The following GOLM1 variants were observed in gnomAD, a reference collection of about 807,000 sequenced individuals.
GOLM1 encodes the protein golgi membrane protein 1.
In GOLM1, 31 loss-of-function variants were observed where a neutral mutation model predicts 50.5. The ratio of observed to expected loss-of-function variants is 0.61; its 90% CI spans 0.46 to 0.83. The LOEUF (loss-of-function observed/expected upper bound fraction) is 0.83. Ranked by LOEUF, GOLM1 falls within the 40% of genes least tolerant of loss-of-function variation. GOLM1 has a pLI of 0.00. For missense variants in GOLM1, 491 were observed against 501.3 expected (o/e 0.98, Z 0.20); for synonymous variants, 178 against 192.8 (o/e 0.92, Z 0.64).
In GOLM1 at chr9:86,046,528, C is replaced by T. The variant is rs1352583517; in HGVS notation, c.409G>A (p.Asp137Asn). 2.5e-6 allele frequency: 4 copies of T among 1,613,356 alleles called. No homozygotes were observed. The highest frequency in any genetic ancestry group is 3.4e-6 in the Non-Finnish European group (4 of 1,179,564). Residue 137 changes from aspartate (D) to asparagine (N), a missense_variant, in exon 5 of 10, where the codon GAT becomes AAT. Coordinates refer to ENST00000388712, the MANE Select transcript of GOLM1 (RefSeq NM_016548.4). ...TGGTTCTTCTGAAACTGGAGGACAT[C>T]CTGCTGCAGCCTGCCGTAATTCCTC... ...LQRNYGRLQQ[D>N]VLQFQKNQTN...
At chr9:86,077,227 C>T (rs10123984) in intron 3 of GOLM1, among the ~76,000 whole-genome samples, 185 bp downstream of exon 3, 10,474 of 152,164 alleles carry the variant, frequency 0.069, 1,140 homozygotes, top group African/African-American at 0.23. Flanking sequence ...AAGGCTTCAC[C>T]GCAAGCCCAG....
chr9:86,078,680 T>A (rs945962968), intron 2 of GOLM1, among the ~76,000 whole-genome samples: 1 of 152,196 alleles, frequency 6.6e-6, no homozygotes, highest in African/African-American at 2.4e-5. Flanking sequence ...AGCATCTTTG[T>A]CACTGCTCAG....
chr9:86,088,420 G>GTGTGCATATATA (rs1157260470), intron 1 of GOLM1, among the ~76,000 whole-genome samples: 52 of 86,298 alleles, frequency 6.0e-4, no homozygotes, highest in African/African-American at 2.2e-3. Context: ...TTTGAAGGGT[G>GTGTGCATATATA]TATATATATA....
chr9:86,075,414 G>A (rs184031396), intron 3 of GOLM1, among the ~76,000 whole-genome samples: 11 of 152,310 alleles, frequency 7.2e-5, no homozygotes, highest in Admixed American at 1.3e-4. Context: ...ACCAGCTGCT[G>A]AGCTTTCATT....
chr9:86,099,559 G>T (rs1410499714), upstream of GOLM1: 1 of 147,642 alleles, frequency 6.8e-6, no homozygotes, highest in Non-Finnish European at 1.5e-5. Flanking sequence ...CCGCGTCTCC[G>T]GCCTCCGCAG....
In GOLM1 at chr9:86,027,702, T is replaced by C. The variant is rs775989523; in HGVS notation, c.*115A>G. 1.3e-5 allele frequency: 19 copies of C among 1,439,134 alleles called. No homozygotes were observed. The highest frequency in any genetic ancestry group is 1.8e-4 in the Middle Eastern group (1 of 5,468). 89.1% of individuals were successfully genotyped at this position (1,439,134 alleles called of 1,614,324 possible). A position where few individuals can be genotyped will look rare whatever the true frequency, so the allele number is the denominator to read the frequency against. ...GCATACTAAAATTTCACAATAATCA[T>C]CTTCAGATGTACATTTTATTTAGTA... On this transcript the variant is annotated 3_prime_UTR_variant, in exon 10 of 10. Coordinates refer to ENST00000388712, the MANE Select transcript of GOLM1 (RefSeq NM_016548.4).
intron 3 of GOLM1, among the ~76,000 whole-genome samples, chr9:86,071,232 G>C (rs1458041512): frequency 6.6e-6 from 1 of 152,062 alleles, no homozygotes; most frequent in African/African-American, 2.4e-5. Context: ...TGAGTAGCTA[G>C]GACTACAGGC....
intron 1 of GOLM1, among the ~76,000 whole-genome samples, chr9:86,093,114 C>T (rs1003194429): frequency 1.3e-5 from 2 of 152,142 alleles, no homozygotes; most frequent in African/African-American, 4.8e-5. Context: ...TACACAGTGG[C>T]TCATGTGTAT....
intron 3 of GOLM1, among the ~76,000 whole-genome samples, chr9:86,070,274 T>C (rs747666398): frequency 2.6e-5 from 4 of 152,144 alleles, no homozygotes; most frequent in Non-Finnish European, 5.9e-5. Flanking sequence ...CCACCTGCTG[T>C]TAAACATTGA....
intron 1 of GOLM1, among the ~76,000 whole-genome samples, chr9:86,082,010 G>A (rs1471572788): frequency 6.8e-6 from 1 of 147,720 alleles, no homozygotes; most frequent in African/African-American, 2.5e-5. Flanking sequence ...AGGGGCATCA[G>A]CATCACCTGG....
chr9:86,028,566 C>T (rs1486816524), intron 9 of GOLM1, among the ~76,000 whole-genome samples: 1 of 152,214 alleles, frequency 6.6e-6, no homozygotes, highest in Non-Finnish European at 1.5e-5. Context: ...ACCTGGGATA[C>T]AGAAAGCCCT....
intron 4 of GOLM1, among the ~76,000 whole-genome samples, chr9:86,046,842 C>T (rs1487606526): frequency 1.3e-5 from 2 of 152,058 alleles, no homozygotes; most frequent in African/African-American, 2.4e-5. Context: ...CCTTTTTGGC[C>T]GCTAGCCTTT....
chr9:86,042,016 C>G (rs1473486329), intron 5 of GOLM1, among the ~76,000 whole-genome samples: 2 of 152,118 alleles, frequency 1.3e-5, no homozygotes, highest in Non-Finnish European at 1.5e-5. Context: ...ACTCGGGAGG[C>G]TGAGGCAGGA....
At chr9:86,070,166 A>G (rs67700259) in intron 3 of GOLM1, among the ~76,000 whole-genome samples, 55,731 of 151,986 alleles carry the variant, frequency 0.37, 13,421 homozygotes, top group African/African-American at 0.68. Flanking sequence ...TACAGGCGTG[A>G]GCCACCGTGT....
Position 86,088,672 on chromosome 9 carries a change from G to A in GOLM1, c.-21-9331C>T, listed in dbSNP as rs531631773. 3.3e-5 allele frequency among the ~76,000 whole-genome samples: 5 copies of A among 149,822 alleles called. No individual in the cohort carries two copies. The South Asian group carries it at 8.5e-4, about 26-fold the overall frequency. ...CTATGTGTGTCTCTGCGTGTGAGAT[G>A]GGTCTCCTGAATACAGCATACCTAT... is the stretch of plus-strand genomic sequence containing the variant. On this transcript the variant is annotated intron_variant, in intron 1 of 9. Transcript: ENST00000388712.
At chr9:86,053,014 CACTCCACACAACACCACGCCATATG>C (rs1293752473) in intron 3 of GOLM1, among the ~76,000 whole-genome samples, 1 of 150,636 alleles carries the variant, frequency 6.6e-6, no homozygotes, top group African/African-American at 2.5e-5. Flanking sequence ...CCACACACAC[CACTCCACACAACACCACGCCATATG>C]ACTCCACACA....
chr9:86,027,855 A>G lies in GOLM1; in HGVS notation c.1168T>C (p.Leu390=). Reference sequence around the variant, plus strand: ...TTCCGCTTTTCACGCTGATCAAGTAAATTTATGGTGTCTCTTTTCTGATCT... The same window carrying G: ...TTCCGCTTTTCACGCTGATCAAGTAGATTTATGGTGTCTCTTTTCTGATCT... ...VEDQKRDTIN[L]LDQREKRNHT... is the part of the protein sequence containing the mutation. The change falls in exon 10 of 10, where the codon TTA becomes CTA. Residue 390 remains leucine, a synonymous_variant. Coordinates refer to ENST00000388712, the MANE Select transcript of GOLM1 (RefSeq NM_016548.4). The G allele has an allele frequency of 6.2e-7, 1 of 1,611,158 alleles. No individual in the cohort carries two copies. The highest frequency in any genetic ancestry group is 8.5e-7 in the Non-Finnish European group (1 of 1,177,418).
At chr9:86,059,456 C>T (rs982946467) in intron 3 of GOLM1, among the ~76,000 whole-genome samples, 2 of 152,138 alleles carry the variant, frequency 1.3e-5, no homozygotes, top group Non-Finnish European at 1.5e-5. Flanking sequence ...ACAAAGGCCA[C>T]GTACTGCATG....
intron 1 of GOLM1, among the ~76,000 whole-genome samples, chr9:86,097,640 C>T (rs1362627531): frequency 6.6e-6 from 1 of 152,186 alleles, no homozygotes; most frequent in Non-Finnish European, 1.5e-5. Context: ...CAACTGACAC[C>T]TGTCTTCTTC....
Sources: gnomAD v4.1 joint callset for allele counts (sites outside exome capture counted in the v4.1 genomes callset) on GRCh38, gnomAD v4.1.1 for gene constraint, MANE v1.5 for transcripts, NCBI Gene and HGNC (gene_info 2026-07-23, HGNC 2026-07-21) for gene names.